Variants in SMIM1 observed in about 807,000 individuals in gnomAD.
SMIM1 encodes the protein small integral membrane protein 1 (Vel blood group).
SMIM1 carries 7 observed loss-of-function variants against 7.7 expected under a neutral mutation model. The observed-to-expected ratio is 0.91, with a 90% CI of 0.52 to 1.71. The LOEUF (loss-of-function observed/expected upper bound fraction) is 1.71. Ranked by LOEUF, SMIM1 falls within the 40% of genes most tolerant of loss-of-function variation. The probability of loss-of-function intolerance (pLI) is 0.00; values close to 1 mark genes in which losing one functional copy is unlikely to be tolerated. For synonymous variants in SMIM1, 41 were observed against 42.7 expected (o/e 0.96, Z 0.16); for missense variants, 95 against 102.8 (o/e 0.92, Z 0.33).
intron 2 of SMIM1, among the ~76,000 whole-genome samples, chr1:3,774,784 C>T (rs908694910): frequency 6.6e-5 from 10 of 152,172 alleles, no homozygotes; most frequent in Admixed American, 4.6e-4. Context: ...GCTGCTGCCA[C>T]TGCCTGGGGC....
chr1:3,775,251 GC>G lies in SMIM1; in HGVS notation c.-75-46del, dbSNP rs1404894294. On this transcript the variant is annotated intron_variant, in intron 2 of 3. Transcript: ENST00000642557. The surrounding 1 kb of genome is among the most constrained non-coding windows in gnomAD (Gnocchi z 5.3). Reference sequence around the variant, plus strand: ...CCTTAGTGCCCCTCTCCTAACAGCAGCCTCAGAGGGGGTCTTGACTGCCGCC... The same window carrying G: ...CCTTAGTGCCCCTCTCCTAACAGCAGCTCAGAGGGGGTCTTGACTGCCGCC... 1 of 661,482 alleles carries G rather than the reference GC, an allele frequency of 1.5e-6. No homozygotes were observed. Among genetic ancestry groups the G allele is most frequent in the African/African-American group, 1.8e-5 (1 of 54,868 alleles). 41.0% of individuals were successfully genotyped at this position (661,482 alleles called of 1,614,324 possible).
At chr1:3,774,162 G>A (rs1356727270) in intron 2 of SMIM1, among the ~76,000 whole-genome samples, 12 of 152,080 alleles carry the variant, frequency 7.9e-5, no homozygotes, top group East Asian at 7.7e-4. Flanking sequence ...AGCCTTCCCC[G>A]CTGGAGGGGG....
At chr1:3,773,539 T>TAA (rs1643413643) in intron 2 of SMIM1, among the ~76,000 whole-genome samples, 1 of 152,160 alleles carries the variant, frequency 6.6e-6, no homozygotes, top group Non-Finnish European at 1.5e-5. Context: ...GGTGGGCTGC[T>TAA]GCTGTGGACT....
chr1:3,774,982 C>T (rs950650787), intron 2 of SMIM1, among the ~76,000 whole-genome samples: 3 of 152,028 alleles, frequency 2.0e-5, no homozygotes, highest in Non-Finnish European at 2.9e-5. Context: ...ACAATGTCCT[C>T]GTCTCTTGAG....
chr1:3,774,281 A>G (rs1212259720), intron 2 of SMIM1, among the ~76,000 whole-genome samples: 1 of 152,146 alleles, frequency 6.6e-6, no homozygotes, highest in Non-Finnish European at 1.5e-5. Context: ...CCAGCAGACC[A>G]GAGAGCTGAC....
rs1643449380 is a variant in SMIM1, at chr1:3,775,785, C to A, written c.111-10C>A. 1 of 1,548,900 alleles carries A rather than the reference C, an allele frequency of 6.5e-7. No homozygotes were observed. Among genetic ancestry groups the A allele is most frequent in the African/African-American group, 1.4e-5 (1 of 73,064 alleles). On this transcript the variant is annotated splice_polypyrimidine_tract_variant and intron_variant, in intron 3 of 3. Coordinates refer to ENST00000642557, the MANE Select transcript of SMIM1 (RefSeq NM_001288583.2). The surrounding 1 kb of genome is among the most constrained non-coding windows in gnomAD (Gnocchi z 5.3). Reference sequence around the variant, plus strand: ...GCCTGGGGCTCACCTCCAGTTGGTTCTCACCCCAGGATCTCCCAGAGGCTG... The same window carrying A: ...GCCTGGGGCTCACCTCCAGTTGGTTATCACCCCAGGATCTCCCAGAGGCTG...
chr1:3,773,695 C>T (rs1643417003), intron 2 of SMIM1, among the ~76,000 whole-genome samples: 1 of 152,174 alleles, frequency 6.6e-6, no homozygotes, highest in Non-Finnish European at 1.5e-5. Flanking sequence ...CTCTCCCATC[C>T]CCTGCTGCAC....
intron 2 of SMIM1, among the ~76,000 whole-genome samples, 175 bp downstream of exon 2, chr1:3,773,356 T>A (rs1435086264): frequency 6.6e-6 from 1 of 152,152 alleles, no homozygotes; most frequent in Non-Finnish European, 1.5e-5. Context: ...GACCATCACA[T>A]GAGTGTGGAG....
At position 3,775,332 on chromosome 1, in the gene SMIM1, C is replaced by A; in HGVS notation, c.-42C>A. The A allele has an allele frequency of 6.8e-7, 1 of 1,480,602 alleles. No individual in the cohort carries two copies. Among genetic ancestry groups the A allele is most frequent in the South Asian group, 1.2e-5 (1 of 82,036 alleles). 91.7% of individuals were successfully genotyped at this position (1,480,602 alleles called of 1,614,324 possible). ...CAGCCTGGCCACCTGTCTTGATCTC[C>A]CCACCGAGAAGGCCCCGCCCCTCCC... On this transcript the variant is annotated 5_prime_UTR_variant, in exon 3 of 4. Transcript: ENST00000642557. The surrounding 1 kb of genome is among the most constrained non-coding windows in gnomAD (Gnocchi z 5.3).
At chr1:3,774,873 C>A (rs1188107371) in intron 2 of SMIM1, among the ~76,000 whole-genome samples, 2 of 150,232 alleles carry the variant, frequency 1.3e-5, no homozygotes, top group South Asian at 4.2e-4. Flanking sequence ...TGCCCCACCC[C>A]CCCCTCCCCT....
chr1:3,775,773 CTCCAGT>C lies in SMIM1; in HGVS notation c.111-20_111-15del. On this transcript the variant is annotated splice_polypyrimidine_tract_variant and intron_variant, in intron 3 of 3. Coordinates refer to ENST00000642557, the MANE Select transcript of SMIM1 (RefSeq NM_001288583.2). This position sits in a 1 kb window ranked among gnomAD's most constrained non-coding sequence, Gnocchi z 5.3. ...CATGCGGCCCTGGCCTGGGGCTCACCTCCAGTTGGTTCTCACCCCAGGATCTCCCAG... is the reference window on the plus strand; with the variant it reads ...CATGCGGCCCTGGCCTGGGGCTCACCTGGTTCTCACCCCAGGATCTCCCAG... 1 of 1,547,458 alleles carries C rather than the reference CTCCAGT, an allele frequency of 6.5e-7. No homozygotes were observed. Among genetic ancestry groups the C allele is most frequent in the Non-Finnish European group, 8.7e-7 (1 of 1,146,198 alleles).
intron 2 of SMIM1, among the ~76,000 whole-genome samples, chr1:3,774,962 A>G (rs1643435493): frequency 1.3e-5 from 2 of 151,620 alleles, no homozygotes; most frequent in Non-Finnish European, 2.9e-5. Context: ...GCTGCAGCCT[A>G]GATTGGGCCA....
In SMIM1 at chr1:3,775,610, G is replaced by A; in HGVS notation, c.110+127G>A. The A allele has an allele frequency of 7.8e-7, 1 of 1,274,664 alleles. No homozygotes were observed. Among genetic ancestry groups the A allele is most frequent in the Non-Finnish European group, 1.1e-6 (1 of 941,624 alleles). The allele number at this position is 1,274,664 out of a possible 1,614,324, so 79.0% of individuals were successfully genotyped here. A position where few individuals can be genotyped will look rare whatever the true frequency, so the allele number is the denominator to read the frequency against. On this transcript the variant is annotated intron_variant, in intron 3 of 3. Transcript: ENST00000642557. This position sits in a 1 kb window ranked among gnomAD's most constrained non-coding sequence, Gnocchi z 5.3. ...ATCCTGGCTGGGAGCCCACGGTCCA[G>A]CAGCTCAGCAAACCGCAGCCTTTGG...
In SMIM1 at chr1:3,775,086, A is replaced by G. The variant is rs1051441258; in HGVS notation, c.-75-213A>G. Among the ~76,000 whole-genome samples the G allele has an allele frequency of 1.3e-5, 2 of 152,082 alleles. No individual in the cohort carries two copies. Among genetic ancestry groups the G allele is most frequent in the African/African-American group, 4.8e-5 (2 of 41,404 alleles). On this transcript the variant is annotated intron_variant, in intron 2 of 3. Coordinates refer to ENST00000642557, the MANE Select transcript of SMIM1 (RefSeq NM_001288583.2). The surrounding 1 kb of genome is among the most constrained non-coding windows in gnomAD (Gnocchi z 5.3). ...GAAACACTGGCCTCCCACATGCCTG[A>G]GGTCAGGGCTTGGCCTGAGATGGAA...
chr1:3,775,468 C>T lies in SMIM1; in HGVS notation c.95C>T (p.Ala32Val). 1 of 1,549,854 alleles carries T rather than the reference C, an allele frequency of 6.5e-7. No individual in the cohort carries two copies. Among genetic ancestry groups the T allele is most frequent in the Non-Finnish European group, 8.7e-7 (1 of 1,146,684 alleles). The change falls in exon 3 of 4, where the codon GCC becomes GTC. Residue 32 changes from alanine to valine, a missense_variant. Coordinates refer to ENST00000642557, the MANE Select transcript of SMIM1 (RefSeq NM_001288583.2). The surrounding 1 kb of genome is among the most constrained non-coding windows in gnomAD (Gnocchi z 5.3). ...GGGGCTGTGTCCAGCACAGAAGAGG[C>T]CTCACGCTGCCGCAGGTGAGGGGCC... ...SLGAVSSTEE[A>V]SRCRRISQRL...
In SMIM1 at chr1:3,775,311, C is replaced by A; in HGVS notation, c.-63C>A. The A allele has an allele frequency of 7.6e-7, 1 of 1,308,478 alleles. No homozygotes were observed. Among genetic ancestry groups the A allele is most frequent in the Non-Finnish European group, 1.1e-6 (1 of 950,840 alleles). The allele number at this position is 1,308,478 out of a possible 1,614,324, so 81.1% of individuals were successfully genotyped here. The stretch of plus-strand genomic sequence containing the variant: ...GCTTGTTTTACAGTGAAGCCACAGC[C>A]TGGCCACCTGTCTTGATCTCCCCAC... On this transcript the variant is annotated 5_prime_UTR_variant, in exon 3 of 4. It adds an upstream start codon to the 5' untranslated region. Transcript: ENST00000642557. This position sits in a 1 kb window ranked among gnomAD's most constrained non-coding sequence, Gnocchi z 5.3.
rs908751963 is a variant in SMIM1 at position 3,775,050 on chromosome 1, T to C, written c.-75-249T>C. Among the ~76,000 whole-genome samples the C allele has an allele frequency of 2.0e-5, 3 of 151,288 alleles. No individual in the cohort carries two copies. Among genetic ancestry groups the C allele is most frequent in the Non-Finnish European group, 3.0e-5 (2 of 67,780 alleles). ...CACCGGGGAAGGGAGGCTCCTGGAG[T>C]GTGCTGGAAGGAAACACTGGCCTCC... On this transcript the variant is annotated intron_variant, in intron 2 of 3. Transcript: ENST00000642557. The surrounding 1 kb of genome is among the most constrained non-coding windows in gnomAD (Gnocchi z 5.3).
At chr1:3,773,500 G>A (rs1643413001) in intron 2 of SMIM1, among the ~76,000 whole-genome samples, 1 of 152,226 alleles carries the variant, frequency 6.6e-6, no homozygotes, top group East Asian at 1.9e-4. Flanking sequence ...GAACACACTG[G>A]GCTTGACCCC....
At position 3,775,589 on chromosome 1, in the gene SMIM1, T is replaced by C. The variant is rs1643446191; in HGVS notation, c.110+106T>C. 18 of 1,291,700 alleles carry C rather than the reference T, an allele frequency of 1.4e-5. No homozygotes were observed. Among genetic ancestry groups the C allele is most frequent in the Non-Finnish European group, 1.9e-5 (18 of 950,586 alleles). The allele number at this position is 1,291,700 out of a possible 1,614,324, so 80.0% of individuals were successfully genotyped here. A position where few individuals can be genotyped will look rare whatever the true frequency, so the allele number is the denominator to read the frequency against. On this transcript the variant is annotated intron_variant, in intron 3 of 3. Transcript: ENST00000642557. This position sits in a 1 kb window ranked among gnomAD's most constrained non-coding sequence, Gnocchi z 5.3. The stretch of plus-strand genomic sequence containing the variant: ...GGCCCCATCACCCTCCACCCCATCC[T>C]GGCTGGGAGCCCACGGTCCAGCAGC...
Sources: allele counts gnomAD v4.1 joint callset (sites outside exome capture counted in the v4.1 genomes callset), GRCh38; gene constraint gnomAD v4.1.1; non-coding constraint Gnocchi (gnomAD v3.1); transcripts MANE v1.5; gene names NCBI Gene and HGNC (gene_info 2026-07-23, HGNC 2026-07-21).